The following RAB28 variants were observed in gnomAD, a reference collection of about 807,000 sequenced individuals.
RAB28 encodes RAB28, member RAS oncogene family.
A neutral mutation model predicts 31.7 loss-of-function variants in RAB28; 24 were observed. The observed-to-expected ratio is 0.76, with a 90% confidence interval of 0.55 to 1.06. The LOEUF (loss-of-function observed/expected upper bound fraction) is 1.06. Ranked by LOEUF, RAB28 falls within the 50% of genes least tolerant of loss-of-function variation. The pLI is 0.00. For synonymous variants in RAB28, 100 were observed against 90.4 expected (o/e 1.11, Z -0.60); for missense variants, 254 against 258.5 (o/e 0.98, Z 0.12).
chr4:13,416,847 T>C (rs1383882382), intron 4 of RAB28, among the ~76,000 whole-genome samples: 3 of 152,214 alleles, frequency 2.0e-5, no homozygotes, highest in Non-Finnish European at 2.9e-5. Flanking sequence ...ATTTCTGCAT[T>C]TCCAAAAGAG....
intron 4 of RAB28, 145 bp from the exon 5 acceptor site, chr4:13,381,739 T>G (rs1269353839): frequency 3.5e-6 from 2 of 563,614 alleles, no homozygotes; most frequent in Admixed American, 6.9e-5. Flanking sequence ...TTAAACCTCT[T>G]TATGACTCAG....
intron 4 of RAB28, among the ~76,000 whole-genome samples, chr4:13,451,908 A>G (rs1226962320): frequency 6.6e-6 from 1 of 151,844 alleles, no homozygotes; most frequent in African/African-American, 2.4e-5. Context: ...AAATATGTGA[A>G]TCTATTTCTG....
intron 4 of RAB28, among the ~76,000 whole-genome samples, chr4:13,393,868 A>C (rs956097969): frequency 6.6e-6 from 1 of 151,852 alleles, no homozygotes; most frequent in African/African-American, 2.4e-5. Context: ...AAAAAAAAAA[A>C]AAAAAACAGT....
intron 4 of RAB28, among the ~76,000 whole-genome samples, chr4:13,427,043 T>C (rs536341142): frequency 3.8e-4 from 58 of 152,290 alleles, no homozygotes; most frequent in African/African-American, 1.3e-3. Context: ...TGTAAGAAAA[T>C]GGCTCAGTTT....
intron 4 of RAB28, among the ~76,000 whole-genome samples, chr4:13,422,672 T>C (rs182967939): frequency 1.0e-3 from 154 of 151,810 alleles, no homozygotes; most frequent in Middle Eastern, 3.4e-3. Context: ...ACACTGCATG[T>C]GCTCACTCAT....
intron 4 of RAB28, among the ~76,000 whole-genome samples, chr4:13,450,731 G>A (rs1030223993): frequency 2.6e-5 from 4 of 151,776 alleles, no homozygotes; most frequent in Admixed American, 6.6e-5. Context: ...CCTTTAGAAC[G>A]AAACTTTAAA....
chr4:13,431,701 G>A (rs1393130333), intron 4 of RAB28, among the ~76,000 whole-genome samples: 1 of 151,868 alleles, frequency 6.6e-6, no homozygotes, highest in Non-Finnish European at 1.5e-5. Flanking sequence ...CAGAGCCTTG[G>A]TCCCCTGAAA....
chr4:13,427,749 G>C (rs543571914), intron 4 of RAB28, among the ~76,000 whole-genome samples: 2 of 152,220 alleles, frequency 1.3e-5, no homozygotes, highest in East Asian at 3.9e-4. Flanking sequence ...CCGGGAGAGA[G>C]GAAGAAACTC....
intron 4 of RAB28, among the ~76,000 whole-genome samples, chr4:13,392,243 T>C (rs1178955134): frequency 6.6e-6 from 1 of 152,196 alleles, no homozygotes; most frequent in African/African-American, 2.4e-5. Context: ...TATTAGGATA[T>C]AGAGACAGAT....
At position 13,368,129 on chromosome 4, in the gene RAB28, T is replaced by G. The variant is rs969241310; in HGVS notation, c.*429A>C. 1.3e-5 allele frequency: 13 copies of G among 984,866 alleles called. No individual in the cohort carries two copies. Among genetic ancestry groups the G allele is most frequent in the Non-Finnish European group, 1.6e-5 (13 of 829,350 alleles). 61.0% of individuals were successfully genotyped at this position (984,866 alleles called of 1,614,324 possible). On this transcript the variant is annotated 3_prime_UTR_variant, in exon 7 of 7. Coordinates refer to ENST00000330852, the MANE Select transcript of RAB28 (RefSeq NM_001017979.3). ...CTGTAGGTAAAATATATTACTTGCT[T>G]AATGTTTGCACTCTGAAGTATACTT... is the stretch of plus-strand genomic sequence containing the variant.
At chr4:13,377,300 T>G (rs1363156371) in intron 5 of RAB28, among the ~76,000 whole-genome samples, 1 of 152,342 alleles carries the variant, frequency 6.6e-6, no homozygotes, top group Non-Finnish European at 1.5e-5. Flanking sequence ...ACATTTACTG[T>G]AGTATAACTT....
At chr4:13,388,941 C>A (rs1729504990) in intron 4 of RAB28, among the ~76,000 whole-genome samples, 1 of 152,066 alleles carries the variant, frequency 6.6e-6, no homozygotes, top group African/African-American at 2.4e-5. Flanking sequence ...AGTAATCCAA[C>A]TTCTGGGTAT....
intron 3 of RAB28, 122 bp downstream of exon 3, chr4:13,474,192 TTCTC>T: frequency 1.3e-6 from 1 of 782,190 alleles, no homozygotes; most frequent in South Asian, 1.4e-5. Context: ...TATAAAATTA[TTCTC>T]TCTACGTATC....
chr4:13,428,317 C>T (rs1464970569), intron 4 of RAB28, among the ~76,000 whole-genome samples: 3 of 152,130 alleles, frequency 2.0e-5, no homozygotes, highest in African/African-American at 7.2e-5. Flanking sequence ...AGCATGAAAA[C>T]AAGCCTTAAA....
intron 2 of RAB28, among the ~76,000 whole-genome samples, chr4:13,475,801 T>C (rs1016047648): frequency 1.3e-5 from 2 of 151,582 alleles, no homozygotes; most frequent in Non-Finnish European, 3.0e-5. Context: ...CAAAAACTTG[T>C]ACAAATCGAA....
chr4:13,462,679 G>T (rs768723188), intron 3 of RAB28, among the ~76,000 whole-genome samples: 1 of 152,126 alleles, frequency 6.6e-6, no homozygotes, highest in Admixed American at 6.6e-5. Context: ...ATTTGAGTTA[G>T]ATGGTCTCTA....
At chr4:13,464,003 A>G (rs937481949) in intron 3 of RAB28, among the ~76,000 whole-genome samples, 1 of 152,132 alleles carries the variant, frequency 6.6e-6, no homozygotes, top group Non-Finnish European at 1.5e-5. Context: ...TTGCAAGGCA[A>G]ATCATCACCC....
intron 4 of RAB28, among the ~76,000 whole-genome samples, chr4:13,428,171 C>A (rs910647568): frequency 6.6e-6 from 1 of 152,212 alleles, no homozygotes; most frequent in Non-Finnish European, 1.5e-5. Flanking sequence ...TTTAACCAGG[C>A]CCAGGGCGCG....
intron 4 of RAB28, among the ~76,000 whole-genome samples, chr4:13,453,953 CATAAT>C (rs1715150576): frequency 6.6e-6 from 1 of 152,114 alleles, no homozygotes; most frequent in African/African-American, 2.4e-5. Context: ...CTGGAACTTC[CATAAT>C]ATAAGTATTT....
Sources: allele counts gnomAD v4.1 joint callset (sites outside exome capture counted in the v4.1 genomes callset), GRCh38; gene constraint gnomAD v4.1.1; transcripts MANE v1.5; gene names NCBI Gene and HGNC (gene_info 2026-07-23, HGNC 2026-07-21).